RAD21L1: variants seen among roughly 807,000 people sequenced by gnomAD.
The protein encoded by RAD21L1 is RAD21 cohesin complex component like 1, also known as double-strand-break repair protein rad21-like protein 1.
In RAD21L1, 47 loss-of-function variants were observed where a neutral mutation model predicts 69.0. The ratio of observed to expected loss-of-function variants is 0.68; its 90% CI spans 0.54 to 0.87. The LOEUF (loss-of-function observed/expected upper bound fraction) is 0.87. Among genes scored for constraint, RAD21L1 ranks in the 40% least tolerant of loss-of-function variants. The probability of loss-of-function intolerance (pLI) is 0.00; values close to 1 mark genes in which losing one functional copy is unlikely to be tolerated. For missense variants in RAD21L1, 583 were observed against 647.6 expected, an observed-to-expected ratio of 0.90 and a Z score of 1.08; for synonymous variants, 177 against 205.8, an observed-to-expected ratio of 0.86 and a Z score of 1.20.
Position 1,238,855 on chromosome 20 carries a change from G to A in RAD21L1, c.647-457G>A, listed in dbSNP as rs572368327. On this transcript the variant is annotated intron_variant, in intron 6 of 13. Coordinates refer to ENST00000683101, the MANE Select transcript of RAD21L1 (RefSeq NM_001384355.1). ...ATTATTATTTTTGAGACGGAGCCTT[G>A]CTGTGTCGCCCAGGCTGGAGTGCAA... Among the ~76,000 whole-genome samples the A allele has an allele frequency of 2.6e-4, 39 of 152,222 alleles. No homozygotes were observed. In the South Asian group the frequency reaches 8.1e-3, roughly 32 times the overall value.
At chr20:1,227,915 T>C (rs956205869) in intron 1 of RAD21L1, among the ~76,000 whole-genome samples, 3 of 152,336 alleles carry the variant, frequency 2.0e-5, no homozygotes, top group East Asian at 3.8e-4. Context: ...ATTAAAATAT[T>C]GTTGAATAAA....
At chr20:1,240,103 A>T (rs1422850641) in intron 7 of RAD21L1, among the ~76,000 whole-genome samples, 2 of 152,298 alleles carry the variant, frequency 1.3e-5, no homozygotes, top group East Asian at 1.9e-4. Flanking sequence ...GCAAAAGGGG[A>T]TGATGATACT....
rs1397421069 is a variant in RAD21L1 at position 1,239,335 on chromosome 20, A to T, written c.670A>T (p.Asn224Tyr). ...MIDNLLQDDQ[N>Y]ILLEDMHLNR... ...AGACAATCTATTGCAAGATGATCAG[A>T]ATATCCTGTTAGAAGACATGCATTT... The change falls in exon 7 of 14, where the codon AAT becomes TAT. Residue 224 changes from asparagine (N) to tyrosine (Y), a missense_variant. Coordinates refer to ENST00000683101, the MANE Select transcript of RAD21L1 (RefSeq NM_001384355.1). 1 of 1,546,748 alleles carries T rather than the reference A, an allele frequency of 6.5e-7. No homozygotes were observed.
chr20:1,248,548 G>A (rs2087762706), intron 12 of RAD21L1, 78 bp from the exon 13 acceptor site: 2 of 729,114 alleles, frequency 2.7e-6, no homozygotes, highest in Admixed American at 5.2e-5. Context: ...TCTTGTAGAA[G>A]CTAACACTAT....
At chr20:1,243,596 T>A (rs1302921208) in intron 10 of RAD21L1, among the ~76,000 whole-genome samples, 2 of 152,202 alleles carry the variant, frequency 1.3e-5, no homozygotes, top group Non-Finnish European at 2.9e-5. Flanking sequence ...ACACTTAACC[T>A]GACGCAGATA....
chr20:1,237,108 T>C (rs1168062243), intron 5 of RAD21L1, among the ~76,000 whole-genome samples: 1 of 152,244 alleles, frequency 6.6e-6, no homozygotes, highest in Admixed American at 6.5e-5. Context: ...AGAAGAATTT[T>C]CAATATGGGT....
intron 9 of RAD21L1, 75 bp from the exon 10 acceptor site, chr20:1,243,022 A>C (rs2087647145): frequency 9.9e-7 from 1 of 1,008,520 alleles, no homozygotes; most frequent in Non-Finnish European, 1.4e-6. Context: ...TTTCCTTTTT[A>C]GATATGTGCT....
rs923658144 is a variant in RAD21L1 at position 1,254,522 on chromosome 20, G to A, written c.*65G>A. On this transcript the variant is annotated 3_prime_UTR_variant, in exon 14 of 14. Coordinates refer to ENST00000683101, the MANE Select transcript of RAD21L1 (RefSeq NM_001384355.1). ...TTCTGTGTAGATTGTTCAATTTAAT[G>A]CAGAAGCCATCTGGAAGCAGCTGAA... 2 of 1,167,634 alleles carry A rather than the reference G, an allele frequency of 1.7e-6. No individual in the cohort carries two copies. Among genetic ancestry groups the A allele is most frequent in the Non-Finnish European group, 2.3e-6 (2 of 866,684 alleles). 72.3% of individuals were successfully genotyped at this position (1,167,634 alleles called of 1,614,324 possible).
At chr20:1,226,717 A>T (rs2087270693) in intron 1 of RAD21L1, among the ~76,000 whole-genome samples, 1 of 152,082 alleles carries the variant, frequency 6.6e-6, no homozygotes, top group Non-Finnish European at 1.5e-5. Flanking sequence ...AGTCAGTTCA[A>T]TCTGGAGACT....
intron 13 of RAD21L1, among the ~76,000 whole-genome samples, chr20:1,252,352 T>A (rs888823041): frequency 6.6e-6 from 1 of 152,256 alleles, no homozygotes; most frequent in South Asian, 2.1e-4. Flanking sequence ...GGGTGGCACC[T>A]CTCACCTTCC....
chr20:1,250,940 C>G (rs1479170039), intron 13 of RAD21L1, among the ~76,000 whole-genome samples: 1 of 152,128 alleles, frequency 6.6e-6, no homozygotes, highest in Non-Finnish European at 1.5e-5. Flanking sequence ...AGGTCTGCTC[C>G]ATAGTTTTTG....
intron 4 of RAD21L1, among the ~76,000 whole-genome samples, chr20:1,232,255 G>T (rs558547336): frequency 2.0e-5 from 3 of 152,302 alleles, no homozygotes; most frequent in Admixed American, 6.5e-5. Flanking sequence ...CAGAGAGATA[G>T]CAGGAGACAC....
chr20:1,234,267 T>C (rs991781103), intron 5 of RAD21L1, 76 bp downstream of exon 5: 4 of 699,162 alleles, frequency 5.7e-6, no homozygotes. Context: ...ATAATGCCAG[T>C]AGACGTAGCT....
intron 5 of RAD21L1, among the ~76,000 whole-genome samples, chr20:1,235,121 CCT>C (rs1298224025): frequency 7.9e-5 from 12 of 152,188 alleles, no homozygotes; most frequent in African/African-American, 2.9e-4. Context: ...TCTCCTACTC[CCT>C]GTCTTATATC....
At chr20:1,231,386 G>T (rs79496133) in intron 3 of RAD21L1, 140 bp from the exon 4 acceptor site, 37,937 of 616,986 alleles carry the variant, frequency 0.061, 1,442 homozygotes, top group South Asian at 0.094. Context: ...ATAGAGAATG[G>T]ACTACACAAG....
chr20:1,232,347 C>T lies in RAD21L1; in HGVS notation c.368+728C>T, dbSNP rs544034425. On this transcript the variant is annotated intron_variant, in intron 4 of 13. Coordinates refer to ENST00000683101, the MANE Select transcript of RAD21L1 (RefSeq NM_001384355.1). Reference sequence around the variant, plus strand: ...AGGAAGGTTTTGAATAGAGGAGTGACGGGATCTGACTTGATTTCAACATCA... The same window carrying T: ...AGGAAGGTTTTGAATAGAGGAGTGATGGGATCTGACTTGATTTCAACATCA... Among the ~76,000 whole-genome samples the T allele has an allele frequency of 5.9e-5, 9 of 152,216 alleles. No individual in the cohort carries two copies. The South Asian group carries it at 8.3e-4, about 14-fold the overall frequency.
chr20:1,255,107 G>T lies in RAD21L1; in HGVS notation c.*650G>T, dbSNP rs995689832. Among the ~76,000 whole-genome samples the T allele has an allele frequency of 1.3e-5, 2 of 152,148 alleles. No homozygotes were observed. The highest frequency in any genetic ancestry group is 2.9e-5 in the Non-Finnish European group (2 of 68,020). Reference sequence around the variant, plus strand: ...TTTAATCCAATATTTTAATTGAAGAGTTACAAAGCTCATCTTTGCTTTAAA... The same window carrying T: ...TTTAATCCAATATTTTAATTGAAGATTTACAAAGCTCATCTTTGCTTTAAA... On this transcript the variant is annotated 3_prime_UTR_variant, in exon 14 of 14. Transcript: ENST00000683101.
intron 2 of RAD21L1, 36 bp from the exon 3 acceptor site, chr20:1,229,844 T>A (rs1333645335): frequency 6.8e-7 from 1 of 1,460,004 alleles, no homozygotes; most frequent in Non-Finnish European, 9.3e-7. Flanking sequence ...ATGAACCTAA[T>A]CTTTACTCTT....
intron 8 of RAD21L1, among the ~76,000 whole-genome samples, chr20:1,240,801 T>A (rs1194669736): frequency 5.3e-5 from 8 of 152,202 alleles, no homozygotes; most frequent in Admixed American, 5.2e-4. Flanking sequence ...CTTCCCTGCA[T>A]AAACCAGCCC....
Sources: allele counts gnomAD v4.1 joint callset (sites outside exome capture counted in the v4.1 genomes callset), GRCh38; gene constraint gnomAD v4.1.1; transcripts MANE v1.5; gene names NCBI Gene and HGNC (gene_info 2026-07-23, HGNC 2026-07-21).